LAIR1: variants seen among roughly 807,000 people sequenced by gnomAD.
LAIR1 encodes the protein leukocyte associated immunoglobulin like receptor 1.
In LAIR1, 24 loss-of-function variants were observed where a neutral mutation model predicts 32.8. The ratio of observed to expected loss-of-function variants is 0.73; its 90% CI spans 0.53 to 1.03. The LOEUF (loss-of-function observed/expected upper bound fraction) is 1.03, where lower values mean the gene tolerates loss of function less well. Ranked by LOEUF, LAIR1 falls within the 50% of genes least tolerant of loss-of-function variation. The pLI is 0.00. For synonymous variants in LAIR1, 150 were observed against 140.5 expected, an observed-to-expected ratio of 1.07 and a Z score of -0.48; for missense variants, 355 against 347.5, an observed-to-expected ratio of 1.02 and a Z score of -0.17.
upstream of LAIR1, among the ~76,000 whole-genome samples, chr19:54,366,706 T>G (rs1601335714): frequency 6.6e-6 from 1 of 152,238 alleles, no homozygotes; most frequent in African/African-American, 2.4e-5. Context: ...GCCAGGATGG[T>G]CTCGATCTCC....
In LAIR1 at chr19:54,358,587, G is replaced by A. The variant is rs764287652; in HGVS notation, c.415+1435C>T. The A allele has an allele frequency of 9.3e-6, 15 of 1,607,186 alleles. 1 individual carries two copies. The highest frequency in any genetic ancestry group is 1.9e-4 in the Middle Eastern group (1 of 5,300). ...GGGAGGCCATTTCTCCTCATTCTTG[G>A]TGCATCAAATCCGGAGGCTTCAGTG... On this transcript the variant is annotated intron_variant, in intron 4 of 9. Coordinates refer to ENST00000391742, the MANE Select transcript of LAIR1 (RefSeq NM_002287.6).
chr19:54,373,180 C>A (rs368590767), upstream of LAIR1, among the ~76,000 whole-genome samples: 1 of 150,968 alleles, frequency 6.6e-6, no homozygotes, highest in African/African-American at 2.5e-5. Flanking sequence ...TGGTGGCTCA[C>A]GCCTGTAATC....
upstream of LAIR1, among the ~76,000 whole-genome samples, chr19:54,365,876 A>G (rs1358321757): frequency 1.3e-5 from 2 of 152,196 alleles, no homozygotes; most frequent in Non-Finnish European, 2.9e-5. Flanking sequence ...AAAACCATCT[A>G]AATGTCCATT....
chr19:54,360,744 T>G (rs386810897), intron 3 of LAIR1, 172 bp downstream of exon 3: 1 of 570,112 alleles, frequency 1.8e-6, no homozygotes, highest in Non-Finnish European at 3.0e-6. Flanking sequence ...CCTAAGCAGG[T>G]GTGAGGGCAG....
At chr19:54,361,464 C>A (rs2082020704) in intron 2 of LAIR1, among the ~76,000 whole-genome samples, 1 of 151,782 alleles carries the variant, frequency 6.6e-6, no homozygotes, top group Non-Finnish European at 1.5e-5. Context: ...TGCTCAGGGT[C>A]ATGTGGGAAG....
In LAIR1 at chr19:54,355,536, C is replaced by A. The variant is rs1277128700; in HGVS notation, c.718-122G>T. ...TGAGGACCCTCTCCTAAATTGCATC[C>A]GTGTGAAGAGCCCTCCCACAGGGTA... On this transcript the variant is annotated intron_variant, in intron 9 of 9. Transcript: ENST00000391742. This position sits in a 1 kb window ranked among gnomAD's most constrained non-coding sequence, Gnocchi z 4.7. 3.6e-6 allele frequency: 3 copies of A among 833,258 alleles called. No homozygotes were observed. The highest frequency in any genetic ancestry group is 1.8e-5 in the South Asian group (1 of 56,648). 51.6% of individuals were successfully genotyped at this position (833,258 alleles called of 1,614,324 possible).
upstream of LAIR1, among the ~76,000 whole-genome samples, chr19:54,374,638 C>CT (rs1438657401): frequency 6.6e-6 from 1 of 151,876 alleles, no homozygotes; most frequent in African/African-American, 2.4e-5. Flanking sequence ...CCACTGAAAT[C>CT]TTTAACTTCA....
rs140019375 is a variant in LAIR1 at position 54,352,310 on chromosome 19, C to G, written c.*2958G>C. ...ATCATAAGCACAGGGTAGGCCCTCC[C>G]TCTCTGCCTGGCCACACTGCACTGC... is the stretch of plus-strand genomic sequence containing the variant. On this transcript the variant is annotated 3_prime_UTR_variant, in exon 10 of 10. Coordinates refer to ENST00000391742, the MANE Select transcript of LAIR1 (RefSeq NM_002287.6). 1 of 153,766 alleles carries G rather than the reference C, an allele frequency of 6.5e-6. No individual in the cohort carries two copies. Among genetic ancestry groups the G allele is most frequent in the Non-Finnish European group, 1.5e-5 (1 of 68,076 alleles). The allele number at this position is 153,766 out of a possible 1,614,324, so 9.5% of individuals were successfully genotyped here.
At chr19:54,365,039 C>T (rs1485584494), upstream of LAIR1, 20 of 1,408,320 alleles carry the variant, frequency 1.4e-5, no homozygotes, top group African/African-American at 4.4e-5. Flanking sequence ...CCCTAAATGT[C>T]GCTTAGAGGC....
chr19:54,362,295 C>A (rs1228224979), intron 2 of LAIR1, among the ~76,000 whole-genome samples: 1 of 152,152 alleles, frequency 6.6e-6, no homozygotes, highest in Admixed American at 6.5e-5. Context: ...ATCCTTTGAC[C>A]AGCATCTCCC....
rs2081569837 is a variant in LAIR1 at position 54,353,189 on chromosome 19, CAGAG to C, written c.*2075_*2078del. On this transcript the variant is annotated 3_prime_UTR_variant, in exon 10 of 10. Transcript: ENST00000391742. The stretch of plus-strand genomic sequence containing the variant: ...AAAAAAAAAAAAAGAGAGAGAGAGA[CAGAG>C]AGACACACAGTGAGAGAGAAAGACA... The C allele has an allele frequency of 6.6e-6, 1 of 150,634 alleles. No individual in the cohort carries two copies. Among genetic ancestry groups the C allele is most frequent in the Non-Finnish European group, 1.5e-5 (1 of 67,870 alleles). 9.3% of individuals were successfully genotyped at this position (150,634 alleles called of 1,614,324 possible).
rs2082157628 is a variant in LAIR1, at chr19:54,364,298, C to T, written c.67G>A (p.Glu23Lys). The change falls in exon 2 of 10, where the codon GAG (glutamate) becomes AAG (lysine). Residue 23 changes from glutamate to lysine, a missense_variant. By Grantham distance (56) the Glu-to-Lys change is moderately conservative. Transcript: ENST00000391742. This position sits in a 1 kb window ranked among gnomAD's most constrained non-coding sequence, Gnocchi z 4.8. ...ATGGGACGAAGGCATGACTTACCCTCCTGCGTGTGGATGGTCTGGGCCAGG... is the reference window on the plus strand; with the variant it reads ...ATGGGACGAAGGCATGACTTACCCTTCTGCGTGTGGATGGTCTGGGCCAGG... ...LCLAQTIHTQ[E>K]EDLPRPSISA... 6 of 1,613,762 alleles carry T rather than the reference C, an allele frequency of 3.7e-6. No homozygotes were observed. The highest frequency in any genetic ancestry group is 1.7e-4 in the Middle Eastern group (1 of 6,004).
upstream of LAIR1, among the ~76,000 whole-genome samples, chr19:54,374,397 C>T (rs1809536247): frequency 6.6e-6 from 1 of 152,192 alleles, no homozygotes; most frequent in African/African-American, 2.4e-5. Context: ...CGGCCTTCTC[C>T]CCTCCCAGTT....
At position 54,353,935 on chromosome 19, in the gene LAIR1, G is replaced by C. The variant is rs532744568; in HGVS notation, c.*1333C>G. On this transcript the variant is annotated 3_prime_UTR_variant, in exon 10 of 10. Coordinates refer to ENST00000391742, the MANE Select transcript of LAIR1 (RefSeq NM_002287.6). ...TTTTTAGTAGAGATGGGGTTTCACC[G>C]TGTTAGCCAGGATGGTCTCGATCTC... 6.7e-6 allele frequency: 1 copy of C among 149,394 alleles called. No individual in the cohort carries two copies. Among genetic ancestry groups the C allele is most frequent in the East Asian group, 2.0e-4 (1 of 5,092 alleles). The allele number at this position is 149,394 out of a possible 1,614,324, so 9.3% of individuals were successfully genotyped here.
At chr19:54,357,045 C>T in intron 4 of LAIR1, 79 bp from the exon 5 acceptor site, 1 of 1,323,284 alleles carries the variant, frequency 7.6e-7, no homozygotes, top group Non-Finnish European at 1.1e-6. Flanking sequence ...CCCACATCCA[C>T]TGTGGGGATC....
Position 54,352,396 on chromosome 19 carries a change from G to C in LAIR1, c.*2872C>G. On this transcript the variant is annotated 3_prime_UTR_variant, in exon 10 of 10. Coordinates refer to ENST00000391742, the MANE Select transcript of LAIR1 (RefSeq NM_002287.6). The stretch of plus-strand genomic sequence containing the variant: ...GCTTGGGGGCCCGTGCAGCAGGAGG[G>C]ACATCTTCTCCGCACAGCAATGTTC... 1 of 153,904 alleles carries C rather than the reference G, an allele frequency of 6.5e-6. No individual in the cohort carries two copies. The allele number at this position is 153,904 out of a possible 1,614,324, so 9.5% of individuals were successfully genotyped here. A position where few individuals can be genotyped will look rare whatever the true frequency, so the allele number is the denominator to read the frequency against.
At chr19:54,369,775 A>C (rs144259357), upstream of LAIR1, among the ~76,000 whole-genome samples, 93 of 151,784 alleles carry the variant, frequency 6.1e-4, 1 homozygote, top group Non-Finnish European at 1.1e-3. Context: ...CTACAGAAAT[A>C]AAATGACACA....
At chr19:54,371,181 G>A (rs138707306), upstream of LAIR1, among the ~76,000 whole-genome samples, 403 of 151,350 alleles carry the variant, frequency 2.7e-3, 5 homozygotes, top group Admixed American at 0.013. Context: ...CTCAGGTACC[G>A]TAACCAGCAT....
chr19:54,369,762 C>T (rs1192088145), upstream of LAIR1, among the ~76,000 whole-genome samples: 4 of 151,594 alleles, frequency 2.6e-5, no homozygotes. Flanking sequence ...GGAAAGACAA[C>T]ATCTACAGAA....
Sources: gnomAD v4.1 joint callset for allele counts (sites outside exome capture counted in the v4.1 genomes callset) on GRCh38, gnomAD v4.1.1 for gene constraint, Gnocchi (gnomAD v3.1) non-coding constraint, MANE v1.5 for transcripts, NCBI Gene and HGNC (gene_info 2026-07-23, HGNC 2026-07-21) for gene names.